SLC2A12: variants seen among roughly 807,000 people sequenced by gnomAD.
SLC2A12 encodes the protein solute carrier family 2, facilitated glucose transporter member 12.
A neutral mutation model predicts 41.8 loss-of-function variants in SLC2A12; 23 were observed. The ratio of observed to expected loss-of-function variants is 0.55; its 90% CI spans 0.40 to 0.78. The LOEUF (loss-of-function observed/expected upper bound fraction) is 0.78, where lower values mean the gene tolerates loss of function less well. Ranked by LOEUF, SLC2A12 falls within the 30% of genes least tolerant of loss-of-function variation. SLC2A12 has a pLI of 0.00. For missense variants in SLC2A12, 654 were observed against 745.6 expected, an observed-to-expected ratio of 0.88 and a Z score of 1.43; for synonymous variants, 295 against 285.9, an observed-to-expected ratio of 1.03 and a Z score of -0.32.
At chr6:133,991,480 CTT>C (rs769378278) in intron 4 of SLC2A12, among the ~76,000 whole-genome samples, 172 bp from the exon 5 acceptor site, 4 of 152,154 alleles carry the variant, frequency 2.6e-5, no homozygotes, top group Admixed American at 6.5e-5. Flanking sequence ...ATGCCACAGA[CTT>C]TGGTCAATCT....
rs2114402490 is a variant in SLC2A12, at chr6:133,988,292, C to G, written c.*2863G>C. The G allele has an allele frequency of 6.6e-6, 1 of 152,268 alleles. No individual in the cohort carries two copies. Among genetic ancestry groups the G allele is most frequent in the South Asian group, 2.1e-4 (1 of 4,824 alleles). The allele number at this position is 152,268 out of a possible 1,614,324, so 9.4% of individuals were successfully genotyped here. ...AGTGTCTCTGGCTCACCCAGGAGCC[C>G]TGATGTGGTAATACAGGATCAAGCT... On this transcript the variant is annotated 3_prime_UTR_variant, in exon 5 of 5. Transcript: ENST00000275230.
At chr6:134,009,763 T>A (rs1776856757) in intron 2 of SLC2A12, among the ~76,000 whole-genome samples, 1 of 152,198 alleles carries the variant, frequency 6.6e-6, no homozygotes. Context: ...GAGGATCACA[T>A]GAGCCCAGGA....
At position 134,028,719 on chromosome 6, in the gene SLC2A12, T is replaced by A; in HGVS notation, c.1106A>T (p.His369Leu). Reference sequence around the variant, plus strand: ...TCTGCAGATATGGGTGAAGTTCATGTGGATGTTGAGATTTACGATGCCCAT... The same window carrying A: ...TCTGCAGATATGGGTGAAGTTCATGAGGATGTTGAGATTTACGATGCCCAT... ...VTMGIVNLNI[H>L]MNFTHICRSH... The change falls in exon 2 of 5, where the codon CAC becomes CTC. Residue 369 changes from histidine to leucine, a missense_variant. Physicochemically the swap from His to Leu is moderately conservative, Grantham distance 99. Coordinates refer to ENST00000275230, the MANE Select transcript of SLC2A12 (RefSeq NM_145176.3). 6.2e-7 allele frequency: 1 copy of A among 1,614,168 alleles called. No homozygotes were observed. Among genetic ancestry groups the A allele is most frequent in the Non-Finnish European group, 8.5e-7 (1 of 1,180,020 alleles).
chr6:133,990,828 G>A lies in SLC2A12; in HGVS notation c.*327C>T. On this transcript the variant is annotated 3_prime_UTR_variant, in exon 5 of 5. Transcript: ENST00000275230. ...CCATACATACATAGCTTAAGGCGGA[G>A]GTTGATGTCTTCACTAGGACATAGT... is the stretch of plus-strand genomic sequence containing the variant. The A allele has an allele frequency of 1.0e-5, 2 of 196,304 alleles. No individual in the cohort carries two copies. Among genetic ancestry groups the A allele is most frequent in the South Asian group, 1.8e-4 (1 of 5,590 alleles). The allele number at this position is 196,304 out of a possible 1,614,324, so 12.2% of individuals were successfully genotyped here. A position where few individuals can be genotyped will look rare whatever the true frequency, so the allele number is the denominator to read the frequency against.
intron 1 of SLC2A12, among the ~76,000 whole-genome samples, chr6:134,041,909 G>A (rs1777387090): frequency 1.3e-5 from 2 of 152,134 alleles, no homozygotes; most frequent in Admixed American, 6.5e-5. Flanking sequence ...CCAGGAAGGG[G>A]ATGCTCAATG....
At chr6:134,032,690 G>A (rs112978614) in intron 1 of SLC2A12, among the ~76,000 whole-genome samples, 18 of 145,298 alleles carry the variant, frequency 1.2e-4, no homozygotes, top group East Asian at 6.0e-4. Context: ...CTGTCCATTC[G>A]GGGTTTTGAA....
intron 2 of SLC2A12, among the ~76,000 whole-genome samples, chr6:134,018,634 GA>G (rs1427533127): frequency 6.6e-6 from 1 of 152,058 alleles, no homozygotes; most frequent in African/African-American, 2.4e-5. Context: ...TATCATATCG[GA>G]AATAACCCTC....
At chr6:133,999,595 C>T (rs1376857006) in intron 4 of SLC2A12, among the ~76,000 whole-genome samples, 1 of 152,150 alleles carries the variant, frequency 6.6e-6, no homozygotes, top group Non-Finnish European at 1.5e-5. Flanking sequence ...GCCACTTTGC[C>T]TCCTCAAGGA....
chr6:134,006,284 G>A (rs185190729), intron 3 of SLC2A12, among the ~76,000 whole-genome samples: 60 of 149,702 alleles, frequency 4.0e-4, no homozygotes, highest in African/African-American at 1.4e-3. Flanking sequence ...TAAATCATTT[G>A]TTTTTTAATA....
In SLC2A12 at chr6:133,997,085, C is replaced by CAAAAAAAAAAAAAAAAAA. The variant is rs58295985; in HGVS notation, c.1700+4894_1700+4911dup. On this transcript the variant is annotated intron_variant, in intron 4 of 4. Coordinates refer to ENST00000275230, the MANE Select transcript of SLC2A12 (RefSeq NM_145176.3). ...TGAAACCCCGTCTCTACTAAAAATA[C>CAAAAAAAAAAAAAAAAAA]AAAAAAAAAAAAAAAAAAAAAAAAA... 7.1e-5 allele frequency among the ~76,000 whole-genome samples: 5 copies of CAAAAAAAAAAAAAAAAAA among 70,710 alleles called. 1 individual carries two copies. The highest frequency in any genetic ancestry group is 1.1e-4 in the African/African-American group (2 of 18,168). The allele number at this position is 70,710 out of a possible 152,430, so 46.4% of individuals were successfully genotyped here. A position where few individuals can be genotyped will look rare whatever the true frequency, so the allele number is the denominator to read the frequency against.
rs773117416 is a variant in SLC2A12, at chr6:134,028,644, G to A, written c.1181C>T (p.Pro394Leu). 1.9e-6 allele frequency: 3 copies of A among 1,614,160 alleles called. No homozygotes were observed. The highest frequency in any genetic ancestry group is 3.3e-5 in the Admixed American group (2 of 60,022). The change falls in exon 2 of 5, where the codon CCA becomes CTA. Residue 394 changes from proline (P) to leucine (L), a missense_variant. By Grantham distance (98) the Pro-to-Leu change is moderately conservative (BLOSUM62 -3). Coordinates refer to ENST00000275230, the MANE Select transcript of SLC2A12 (RefSeq NM_145176.3). Reference sequence around the variant, plus strand: ...ATTGTTGTTGGTTGACAGGTTTCCTGGTCCATAAATCACAGACTCATCCAA... The same window carrying A: ...ATTGTTGTTGGTTGACAGGTTTCCTAGTCCATAAATCACAGACTCATCCAA... ...QSLDESVIYGPGNLSTNNNTL... is the reference protein window; with the variant it reads ...QSLDESVIYGLGNLSTNNNTL...
chr6:134,038,641 G>A lies in SLC2A12; in HGVS notation c.104-8920C>T, dbSNP rs577151882. On this transcript the variant is annotated intron_variant, in intron 1 of 4. Coordinates refer to ENST00000275230, the MANE Select transcript of SLC2A12 (RefSeq NM_145176.3). ...CTCCCAAAGTGCTGGGATTATAGACGTGAGCCACCGCACCTGGCTTCTTTC... is the reference window on the plus strand; with the variant it reads ...CTCCCAAAGTGCTGGGATTATAGACATGAGCCACCGCACCTGGCTTCTTTC... Among the ~76,000 whole-genome samples the A allele has an allele frequency of 2.0e-4, 30 of 147,610 alleles. 1 individual carries two copies. The South Asian group carries it at 4.7e-3, about 23-fold the overall frequency.
At chr6:134,013,333 T>C (rs915187006) in intron 2 of SLC2A12, among the ~76,000 whole-genome samples, 2 of 152,084 alleles carry the variant, frequency 1.3e-5, no homozygotes, top group East Asian at 1.9e-4. Flanking sequence ...AATATGACTT[T>C]AAATTGAAAT....
At chr6:134,023,082 A>G (rs1315464904) in intron 2 of SLC2A12, among the ~76,000 whole-genome samples, 1 of 152,066 alleles carries the variant, frequency 6.6e-6, no homozygotes, top group Admixed American at 6.6e-5. Flanking sequence ...ACCCCCAGAT[A>G]TGTCTATGAA....
At chr6:134,008,476 G>A (rs757206297) in intron 2 of SLC2A12, among the ~76,000 whole-genome samples, 36 of 152,066 alleles carry the variant, frequency 2.4e-4, no homozygotes, top group Non-Finnish European at 1.0e-4. Flanking sequence ...TCAAAACTAG[G>A]AAACCGCATG....
intron 4 of SLC2A12, 129 bp downstream of exon 4, chr6:134,001,868 T>A (rs1267580614): frequency 1.0e-6 from 1 of 988,376 alleles, no homozygotes. Flanking sequence ...TGAGACATAG[T>A]CTTACGCTAA....
intron 1 of SLC2A12, among the ~76,000 whole-genome samples, chr6:134,051,215 C>T (rs1256409134): frequency 6.6e-6 from 1 of 152,142 alleles, no homozygotes; most frequent in Non-Finnish European, 1.5e-5. Flanking sequence ...CATGAGCCAC[C>T]ACGCCCGGCC....
At chr6:134,049,655 G>A (rs1773646395) in intron 1 of SLC2A12, among the ~76,000 whole-genome samples, 1 of 152,086 alleles carries the variant, frequency 6.6e-6, no homozygotes, top group Non-Finnish European at 1.5e-5. Context: ...CATGAAAGCT[G>A]AAAAAATTTA....
At position 133,988,626 on chromosome 6, in the gene SLC2A12, C is replaced by G. The variant is rs1295540429; in HGVS notation, c.*2529G>C. 1 of 152,136 alleles carries G rather than the reference C, an allele frequency of 6.6e-6. No individual in the cohort carries two copies. The highest frequency in any genetic ancestry group is 1.5e-5 in the Non-Finnish European group (1 of 68,028). 9.4% of individuals were successfully genotyped at this position (152,136 alleles called of 1,614,324 possible). On this transcript the variant is annotated 3_prime_UTR_variant, in exon 5 of 5. Transcript: ENST00000275230. Reference sequence around the variant, plus strand: ...TTATCTTTTTTCTTCTCAATGCCTTCCCTAACCTCCTGCTTATTCCAAAGT... The same window carrying G: ...TTATCTTTTTTCTTCTCAATGCCTTGCCTAACCTCCTGCTTATTCCAAAGT...
Sources: allele counts gnomAD v4.1 joint callset (sites outside exome capture counted in the v4.1 genomes callset), GRCh38; gene constraint gnomAD v4.1.1; transcripts MANE v1.5; gene names NCBI Gene and HGNC (gene_info 2026-07-23, HGNC 2026-07-21).